STK10: variants seen among roughly 807,000 people sequenced by gnomAD.
STK10 encodes serine/threonine-protein kinase 10.
A neutral mutation model predicts 113.8 loss-of-function variants in STK10; 78 were observed. The observed-to-expected ratio is 0.69, with a 90% CI of 0.57 to 0.83. STK10 has a LOEUF of 0.83. Ranked by LOEUF, STK10 falls within the 40% of genes least tolerant of loss-of-function variation. STK10 has a pLI of 0.00. For synonymous variants in STK10, 465 were observed against 494.7 expected (o/e 0.94, Z 0.80); for missense variants, 1,109 against 1,280.1 (o/e 0.87, Z 2.04).
chr5:172,164,117 C>A (rs1003288889), intron 1 of STK10, among the ~76,000 whole-genome samples: 2 of 149,606 alleles, frequency 1.3e-5, no homozygotes, highest in African/African-American at 5.0e-5. Context: ...GAGGCTGAGG[C>A]AGGAGAATCA....
chr5:172,121,532 C>T (rs936837846), intron 3 of STK10, among the ~76,000 whole-genome samples: 1 of 151,012 alleles, frequency 6.6e-6, no homozygotes, highest in African/African-American at 2.4e-5. Context: ...TTTGGCAGGG[C>T]GCGGTGGCTC....
At chr5:172,083,117 T>C (rs552545382) in intron 10 of STK10, 33 bp from the exon 11 acceptor site, 1 of 1,611,800 alleles carries the variant, frequency 6.2e-7, no homozygotes, top group Non-Finnish European at 8.5e-7. Context: ...TATTTCACAG[T>C]AAGAAACTGG....
intron 2 of STK10, among the ~76,000 whole-genome samples, chr5:172,134,265 C>A (rs1769809713): frequency 6.6e-6 from 1 of 152,144 alleles, no homozygotes; most frequent in Non-Finnish European, 1.5e-5. Flanking sequence ...TTTTATCTTG[C>A]CTCAAACCAA....
intron 14 of STK10, among the ~76,000 whole-genome samples, chr5:172,060,083 C>T (rs962052211): frequency 8.5e-5 from 13 of 152,162 alleles, no homozygotes; most frequent in Admixed American, 6.5e-4. Context: ...GTGGAGCCCT[C>T]GTGAATGGAA....
chr5:172,186,199 AG>A (rs1357993985), intron 1 of STK10, among the ~76,000 whole-genome samples: 1 of 152,106 alleles, frequency 6.6e-6, no homozygotes, highest in Non-Finnish European at 1.5e-5. Context: ...GCTTGAACCC[AG>A]GAAGTGGAGG....
At chr5:172,127,291 G>C (rs979070116) in intron 3 of STK10, 82 bp downstream of exon 3, 4 of 1,517,006 alleles carry the variant, frequency 2.6e-6, no homozygotes, top group Non-Finnish European at 3.6e-6. Flanking sequence ...CCCAGTCCTA[G>C]ACAGAGCTGT....
At chr5:172,127,302 C>T in intron 3 of STK10, 71 bp downstream of exon 3, 1 of 1,566,760 alleles carries the variant, frequency 6.4e-7, no homozygotes. Context: ...ACAGAGCTGT[C>T]CAGCAGTCAG....
chr5:172,111,693 G>A (rs111510220), intron 4 of STK10, among the ~76,000 whole-genome samples: 108 of 152,294 alleles, frequency 7.1e-4, no homozygotes, highest in African/African-American at 1.7e-3. Flanking sequence ...AGACAAGGGC[G>A]GCGGAGATAA....
chr5:172,122,970 A>C (rs1769547427), intron 3 of STK10, among the ~76,000 whole-genome samples: 1 of 152,166 alleles, frequency 6.6e-6, no homozygotes, highest in African/African-American at 2.4e-5. Flanking sequence ...AACCATATCT[A>C]TTCCAATCAG....
At chr5:172,070,842 G>A (rs1233130606) in intron 12 of STK10, among the ~76,000 whole-genome samples, 4 of 152,080 alleles carry the variant, frequency 2.6e-5, no homozygotes, top group African/African-American at 9.7e-5. Context: ...GGATAGTCAG[G>A]AAATATTTAA....
At chr5:172,171,355 A>G (rs1236005858) in intron 1 of STK10, among the ~76,000 whole-genome samples, 1 of 152,070 alleles carries the variant, frequency 6.6e-6, no homozygotes, top group Non-Finnish European at 1.5e-5. Context: ...TGAAGATGTA[A>G]CCGCTCCTCC....
Position 172,098,942 on chromosome 5 carries a change from C to CCACCACCATCATCACCTT in STK10, c.871-2400_871-2383dup, listed in dbSNP as rs1581155076. On this transcript the variant is annotated intron_variant, in intron 7 of 18. Coordinates refer to ENST00000176763, the MANE Select transcript of STK10 (RefSeq NM_005990.4). ...ATCATTACCATTACCATCATCACCA[C>CCACCACCATCATCACCTT]CACCACCATCATCACCTTCACCACC... Among the ~76,000 whole-genome samples the CCACCACCATCATCACCTT allele has an allele frequency of 2.7e-5, 4 of 150,144 alleles. No individual in the cohort carries two copies. In the East Asian group the frequency reaches 7.7e-4, roughly 29 times the overall value.
At chr5:172,123,918 T>C (rs1229853238) in intron 3 of STK10, among the ~76,000 whole-genome samples, 3 of 152,060 alleles carry the variant, frequency 2.0e-5, no homozygotes, top group African/African-American at 7.2e-5. Flanking sequence ...CAAGTCCATA[T>C]CACAACTCTT....
intron 18 of STK10, among the ~76,000 whole-genome samples, chr5:172,051,646 A>G (rs939968306): frequency 3.9e-5 from 6 of 152,038 alleles, no homozygotes; most frequent in African/African-American, 1.2e-4. Flanking sequence ...TAAAATAAAG[A>G]AATCAACAGA....
intron 2 of STK10, among the ~76,000 whole-genome samples, chr5:172,130,533 A>C (rs1351105221): frequency 1.3e-5 from 1 of 74,632 alleles, no homozygotes; most frequent in Admixed American, 1.1e-4. Context: ...TCTGTCTCCA[A>C]AAAAAAAAAA....
chr5:172,106,265 G>T (rs1383519028), intron 6 of STK10, among the ~76,000 whole-genome samples: 1 of 151,742 alleles, frequency 6.6e-6, no homozygotes, highest in East Asian at 1.9e-4. Context: ...AGCCAGGCAT[G>T]GTGGTGGGTG....
At chr5:172,180,133 A>G (rs935185882) in intron 1 of STK10, among the ~76,000 whole-genome samples, 1 of 152,198 alleles carries the variant, frequency 6.6e-6, no homozygotes, top group Non-Finnish European at 1.5e-5. Context: ...AATCACCCTC[A>G]AATAGGCATA....
rs1235193162 is a variant in STK10, at chr5:172,057,329, C to T, written c.2337+20G>A. On this transcript the variant is annotated intron_variant, in intron 15 of 18. Coordinates refer to ENST00000176763, the MANE Select transcript of STK10 (RefSeq NM_005990.4). ...TCGGCCCGGCAGCAGATCCGAGCCC[C>T]GTGCCACCGGCAGCCTCACCTTCTC... 11 of 1,578,276 alleles carry T rather than the reference C, an allele frequency of 7.0e-6. No individual in the cohort carries two copies. The highest frequency in any genetic ancestry group is 4.6e-5 in the East Asian group (2 of 43,310).
intron 12 of STK10, among the ~76,000 whole-genome samples, chr5:172,079,912 T>TA (rs1339235863): frequency 6.6e-6 from 1 of 152,120 alleles, no homozygotes; most frequent in African/African-American, 2.4e-5. Context: ...TCCTCTGAAA[T>TA]GTGCAGGTAT....
Sources: allele counts gnomAD v4.1 joint callset (sites outside exome capture counted in the v4.1 genomes callset), GRCh38; gene constraint gnomAD v4.1.1; transcripts MANE v1.5; gene names NCBI Gene and HGNC (gene_info 2026-07-23, HGNC 2026-07-21).